CLSTN2: variants seen among roughly 807,000 people sequenced by gnomAD.
The protein encoded by CLSTN2 is calsyntenin 2, also known as calsyntenin-2.
In CLSTN2, 48 loss-of-function variants were observed where a neutral mutation model predicts 101.2. That is an observed-to-expected ratio of 0.47 (90% CI 0.38 to 0.60). The LOEUF (loss-of-function observed/expected upper bound fraction) is 0.60. Ranked by LOEUF, CLSTN2 falls within the 20% of genes least tolerant of loss-of-function variation. CLSTN2 has a pLI of 0.00. For missense variants in CLSTN2, 1,160 were observed against 1,238.2 expected (o/e 0.94, Z 0.95); for synonymous variants, 481 against 463.6 (o/e 1.04, Z -0.48).
intron 1 of CLSTN2, among the ~76,000 whole-genome samples, chr3:139,999,070 A>G (rs1490152448): frequency 6.6e-6 from 1 of 152,104 alleles, no homozygotes; most frequent in Non-Finnish European, 1.5e-5. Context: ...GGGAGCAGAC[A>G]CATTGCTGGT....
chr3:140,403,883 T>C lies in CLSTN2; in HGVS notation c.428+59T>C, dbSNP rs2088272963. On this transcript the variant is annotated intron_variant, in intron 3 of 16. Transcript: ENST00000458420. ...TCCCTCCCGTGCCCACCCCACTTCA[T>C]TCACATGCTGCTCTTCAGATATGTT... 3.9e-6 allele frequency: 5 copies of C among 1,293,480 alleles called. No individual in the cohort carries two copies. In the South Asian group the frequency reaches 5.4e-5, roughly 14 times the overall value. 80.1% of individuals were successfully genotyped at this position (1,293,480 alleles called of 1,614,324 possible). A position where few individuals can be genotyped will look rare whatever the true frequency, so the allele number is the denominator to read the frequency against.
At chr3:140,189,142 G>T (rs1354573902) in intron 2 of CLSTN2, among the ~76,000 whole-genome samples, 2 of 152,100 alleles carry the variant, frequency 1.3e-5, no homozygotes, top group Non-Finnish European at 2.9e-5. Flanking sequence ...TCCATGGTAT[G>T]GATATACCAC....
chr3:140,241,906 T>G (rs10935376), intron 2 of CLSTN2, among the ~76,000 whole-genome samples: 67 of 137,302 alleles, frequency 4.9e-4, no homozygotes, highest in African/African-American at 1.8e-3. Context: ...CACACACACA[T>G]ATATATATAT....
chr3:140,472,332 A>T (rs1170745435), intron 8 of CLSTN2, among the ~76,000 whole-genome samples: 2 of 152,198 alleles, frequency 1.3e-5, no homozygotes, highest in Non-Finnish European at 2.9e-5. Flanking sequence ...TCTAAAAGTG[A>T]ATACATCCTT....
intron 5 of CLSTN2, among the ~76,000 whole-genome samples, chr3:140,437,050 G>GTT (rs11382080): frequency 0.037 from 5,034 of 135,042 alleles, 272 homozygotes; most frequent in African/African-American, 0.11. Context: ...GGGAGGTTTG[G>GTT]TTTTTTTTTT....
intron 11 of CLSTN2, among the ~76,000 whole-genome samples, chr3:140,557,287 GAGA>G (rs1480657383): frequency 6.6e-6 from 1 of 152,158 alleles, no homozygotes; most frequent in Non-Finnish European, 1.5e-5. Context: ...CTAGAGTCGG[GAGA>G]AGGACTCAGA....
chr3:140,562,683 T>C, intron 13 of CLSTN2, 128 bp from the exon 14 acceptor site: 1 of 995,216 alleles, frequency 1.0e-6, no homozygotes, highest in Non-Finnish European at 1.5e-6. Context: ...CCAAAATATC[T>C]TGAGCTCTTA....
At chr3:140,086,456 T>C (rs1243407919) in intron 1 of CLSTN2, among the ~76,000 whole-genome samples, 1 of 152,216 alleles carries the variant, frequency 6.6e-6, no homozygotes, top group African/African-American at 2.4e-5. Context: ...TACTTACCTG[T>C]AGGGCTTTTG....
intron 2 of CLSTN2, among the ~76,000 whole-genome samples, chr3:140,198,255 A>G (rs962551507): frequency 3.3e-5 from 5 of 152,174 alleles, no homozygotes; most frequent in Non-Finnish European, 7.3e-5. Context: ...TGCATACTTC[A>G]TGTTGTGTTG....
intron 6 of CLSTN2, 114 bp downstream of exon 6, chr3:140,448,818 T>A (rs1330850874): frequency 2.2e-6 from 2 of 914,984 alleles, no homozygotes; most frequent in East Asian, 2.6e-5. Flanking sequence ...TGCACTGATA[T>A]GTGTAACTCC....
intron 2 of CLSTN2, among the ~76,000 whole-genome samples, chr3:140,190,042 T>C (rs1263195487): frequency 6.6e-6 from 1 of 152,128 alleles, no homozygotes; most frequent in Non-Finnish European, 1.5e-5. Context: ...CCTCACAGGG[T>C]AGAAAGGGGA....
intron 2 of CLSTN2, among the ~76,000 whole-genome samples, chr3:140,217,081 C>T (rs1432039496): frequency 6.6e-6 from 1 of 152,126 alleles, no homozygotes; most frequent in East Asian, 1.9e-4. Context: ...AGTGATGTGA[C>T]TCCAGGGTGC....
chr3:140,268,342 A>AC (rs1223987080), intron 2 of CLSTN2, among the ~76,000 whole-genome samples: 1 of 151,928 alleles, frequency 6.6e-6, no homozygotes, highest in Non-Finnish European at 1.5e-5. Context: ...GCAGTACAAC[A>AC]CCCCCTGTTG....
At chr3:140,022,182 G>T (rs1385521219) in intron 1 of CLSTN2, among the ~76,000 whole-genome samples, 6 of 152,358 alleles carry the variant, frequency 3.9e-5, no homozygotes, top group African/African-American at 4.8e-5. Flanking sequence ...GCACAGAAGT[G>T]CTGGGGGCCT....
At chr3:140,075,243 T>C (rs11921626) in intron 1 of CLSTN2, among the ~76,000 whole-genome samples, 29,593 of 152,100 alleles carry the variant, frequency 0.19, 3,384 homozygotes, top group East Asian at 0.44. Context: ...TTGGGTTCCT[T>C]TTCTCTTTTT....
intron 8 of CLSTN2, among the ~76,000 whole-genome samples, chr3:140,496,798 G>A (rs965835799): frequency 1.3e-5 from 2 of 152,048 alleles, no homozygotes; most frequent in Non-Finnish European, 2.9e-5. Context: ...ACAGGATCAC[G>A]GACCTACTTA....
chr3:140,430,835 C>T (rs2088621309), intron 5 of CLSTN2, among the ~76,000 whole-genome samples: 1 of 152,178 alleles, frequency 6.6e-6, no homozygotes, highest in South Asian at 2.1e-4. Context: ...ATAAGGAAAA[C>T]TTAGAGAGAT....
chr3:139,987,208 A>C (rs1418650414), intron 1 of CLSTN2, among the ~76,000 whole-genome samples: 6 of 152,340 alleles, frequency 3.9e-5, no homozygotes, highest in Middle Eastern at 3.4e-3. Context: ...AGGAATGGCC[A>C]TGTCCAATGC....
chr3:140,164,203 ATCT>A (rs148936577), intron 1 of CLSTN2, among the ~76,000 whole-genome samples: 1,716 of 150,282 alleles, frequency 0.011, 25 homozygotes, highest in African/African-American at 0.041. Context: ...ATGGCTCCTG[ATCT>A]TCTTCTGCAT....
Sources: gnomAD v4.1 joint callset for allele counts (sites outside exome capture counted in the v4.1 genomes callset) on GRCh38, gnomAD v4.1.1 for gene constraint, MANE v1.5 for transcripts, NCBI Gene and HGNC (gene_info 2026-07-23, HGNC 2026-07-21) for gene names.